FAM47E: variants seen among roughly 807,000 people sequenced by gnomAD.
FAM47E encodes the protein family with sequence similarity 47 member E.
In FAM47E, 32 loss-of-function variants were observed where a neutral mutation model predicts 41.6. The ratio of observed to expected loss-of-function variants is 0.77; its 90% CI spans 0.58 to 1.03. The LOEUF (loss-of-function observed/expected upper bound fraction) is 1.03. Ranked by LOEUF, FAM47E falls within the 50% of genes least tolerant of loss-of-function variation. The probability of loss-of-function intolerance (pLI) is 0.00; values close to 1 mark genes in which losing one functional copy is unlikely to be tolerated. For missense variants in FAM47E, 424 were observed against 485.4 expected (o/e 0.87, Z 1.19); for synonymous variants, 184 against 188.7 (o/e 0.98, Z 0.20).
intron 1 of FAM47E, among the ~76,000 whole-genome samples, chr4:76,255,867 TACAA>T (rs1278518569): frequency 1.3e-5 from 2 of 152,134 alleles, no homozygotes; most frequent in Non-Finnish European, 2.9e-5. Context: ...CAAGGATGTG[TACAA>T]ACAAAGGATA....
intron 4 of FAM47E, 92 bp from the exon 5 acceptor site, chr4:76,271,476 C>T (rs1734883915): frequency 2.1e-6 from 3 of 1,428,712 alleles, no homozygotes; most frequent in East Asian, 5.0e-5. Flanking sequence ...CCCAAACTAC[C>T]TCTTTCCTCA....
chr4:76,277,296 A>T (rs1312585478), intron 5 of FAM47E, among the ~76,000 whole-genome samples: 1 of 152,110 alleles, frequency 6.6e-6, no homozygotes, highest in South Asian at 2.1e-4. Flanking sequence ...CATCCTGGCT[A>T]ACATGGTGAA....
intron 6 of FAM47E, chr4:76,278,470 A>C (rs570696792): frequency 9.4e-6 from 4 of 424,738 alleles, no homozygotes; most frequent in Non-Finnish European, 1.6e-5. Context: ...TACTCATGCT[A>C]TTCCACCATT....
chr4:76,280,402 C>T lies in FAM47E; in HGVS notation c.1104+61C>T, dbSNP rs570832573. 94 of 988,698 alleles carry T rather than the reference C, an allele frequency of 9.5e-5. No individual in the cohort carries two copies. In the East Asian group the frequency reaches 2.0e-3, roughly 21 times the overall value. The allele number at this position is 988,698 out of a possible 1,614,324, so 61.2% of individuals were successfully genotyped here. A position where few individuals can be genotyped will look rare whatever the true frequency, so the allele number is the denominator to read the frequency against. ...GGGCTTCATGGCTCACAGTTGTTGA[C>T]GGGAAGAGGTTATGACCCTGACAAA... On this transcript the variant is annotated intron_variant, in intron 7 of 7. Transcript: ENST00000424749.
chr4:76,269,777 G>T (rs1387073888), intron 4 of FAM47E, among the ~76,000 whole-genome samples: 1 of 121,900 alleles, frequency 8.2e-6, no homozygotes, highest in Non-Finnish European at 1.8e-5. Context: ...AACAAAGCAA[G>T]ATCCTGTCTC....
At chr4:76,248,005 C>G (rs528707300), upstream of FAM47E, among the ~76,000 whole-genome samples, 7 of 148,998 alleles carry the variant, frequency 4.7e-5, no homozygotes, top group East Asian at 7.8e-4. Flanking sequence ...AGCTCCACCT[C>G]CTGGGTCGAC....
chr4:76,233,586 G>A (rs200687956), intron 2 of FAM47E, among the ~76,000 whole-genome samples: 2 of 150,762 alleles, frequency 1.3e-5, no homozygotes, highest in Admixed American at 6.6e-5. Context: ...ACACACACAC[G>A]CACACACACA....
chr4:76,256,548 A>G, intron 2 of FAM47E, 25 bp downstream of exon 2: 1 of 1,513,416 alleles, frequency 6.6e-7, no homozygotes, highest in Non-Finnish European at 8.9e-7. Context: ...GGTTTGTGGG[A>G]GGGGCTTCAC....
rs142588499 is a variant in FAM47E at position 76,254,182 on chromosome 4, T to G, written c.75-1996T>G. ...AGTGAAGAAAGTAGACTGGATTTCT[T>G]TTAGGATCTCTGCCAGTTCTAACAT... On this transcript the variant is annotated intron_variant, in intron 1 of 7. Transcript: ENST00000424749. Among the ~76,000 whole-genome samples, 304 of 152,108 alleles carry G rather than the reference T, an allele frequency of 2.0e-3. 1 individual carries two copies. Among genetic ancestry groups the G allele is most frequent in the Non-Finnish European group, 3.4e-3 (234 of 67,992 alleles).
intron 5 of FAM47E, among the ~76,000 whole-genome samples, chr4:76,277,748 A>C (rs996799290): frequency 1.3e-5 from 2 of 152,080 alleles, no homozygotes; most frequent in Non-Finnish European, 2.9e-5. Context: ...GATGTATACT[A>C]TTGTTATCTC....
At chr4:76,277,918 C>T (rs1467929243) in intron 5 of FAM47E, 151 bp from the exon 6 acceptor site, 1 of 941,806 alleles carries the variant, frequency 1.1e-6, no homozygotes, top group Non-Finnish European at 1.4e-6. Flanking sequence ...TTTGTAAAAT[C>T]AAAGCATGCT....
At chr4:76,267,682 T>C (rs543623391) in intron 3 of FAM47E, 5 of 152,360 alleles carry the variant, frequency 3.3e-5, no homozygotes, top group Admixed American at 2.0e-4. Context: ...AAGTGGTCTA[T>C]GTAGACCATG....
At chr4:76,265,965 A>G (rs1291298361) in intron 3 of FAM47E, among the ~76,000 whole-genome samples, 2 of 152,156 alleles carry the variant, frequency 1.3e-5, no homozygotes, top group Non-Finnish European at 2.9e-5. Flanking sequence ...TTCTCTCCAA[A>G]CAACAATCAG....
upstream of FAM47E, among the ~76,000 whole-genome samples, chr4:76,251,163 C>A (rs896002234): frequency 3.3e-5 from 5 of 152,080 alleles, no homozygotes; most frequent in African/African-American, 1.2e-4. Context: ...CTGGATGGTA[C>A]TTGTCTGCTA....
intron 2 of FAM47E, among the ~76,000 whole-genome samples, chr4:76,224,832 G>A (rs1339954463): frequency 6.6e-6 from 1 of 152,066 alleles, no homozygotes; most frequent in Non-Finnish European, 1.5e-5. Flanking sequence ...AGATTTCTGA[G>A]ATTTTGGTGC....
chr4:76,264,414 T>C (rs977284256), intron 3 of FAM47E, among the ~76,000 whole-genome samples: 3 of 151,856 alleles, frequency 2.0e-5, no homozygotes, highest in African/African-American at 7.3e-5. Flanking sequence ...ACCCATCTTT[T>C]TTGCATAAAC....
chr4:76,234,040 A>C (rs6814385), intron 2 of FAM47E, among the ~76,000 whole-genome samples: 123,545 of 152,206 alleles, frequency 0.81, 50,634 homozygotes, highest in Non-Finnish European at 0.87. Context: ...CGGGTCAGAG[A>C]TGGCCTTTCA....
chr4:76,228,645 A>G (rs1159227671), intron 2 of FAM47E, among the ~76,000 whole-genome samples: 1 of 152,106 alleles, frequency 6.6e-6, no homozygotes, highest in Non-Finnish European at 1.5e-5. Flanking sequence ...TTGGCTGCCA[A>G]TTATTTTGCT....
intron 2 of FAM47E, among the ~76,000 whole-genome samples, chr4:76,226,313 T>C (rs888330078): frequency 6.6e-6 from 1 of 152,140 alleles, no homozygotes; most frequent in African/African-American, 2.4e-5. Context: ...AAGGCAGTGG[T>C]GCATCAAGTG....
Sources: gnomAD v4.1 joint callset for allele counts (sites outside exome capture counted in the v4.1 genomes callset) on GRCh38, gnomAD v4.1.1 for gene constraint, MANE v1.5 for transcripts, NCBI Gene and HGNC (gene_info 2026-07-23, HGNC 2026-07-21) for gene names.